The following FIRRM variants were observed in gnomAD, a reference collection of about 807,000 sequenced individuals.
The protein encoded by FIRRM is FIGNL1-interacting regulator of recombination and mitosis.
At chr1:169,832,833 C>G in the FIRRM span, among the ~76,000 whole-genome samples, 3 of 152,032 alleles carry the variant, frequency 2.0e-5, no homozygotes, top group African/African-American at 2.4e-5. Flanking sequence ...GTCTCAAACT[C>G]CTGGGCTCAA....
chr1:169,789,164 C>G, the FIRRM span, among the ~76,000 whole-genome samples: 2 of 152,132 alleles, frequency 1.3e-5, no homozygotes, highest in East Asian at 3.8e-4. Flanking sequence ...ATCACAATGC[C>G]ATCATAACCA....
the FIRRM span, chr1:169,805,931 A>G: frequency 1.3e-6 from 1 of 794,922 alleles, no homozygotes; most frequent in East Asian, 2.6e-5. Flanking sequence ...TTCAGTAGAT[A>G]GTTTTAATTA....
the FIRRM span, among the ~76,000 whole-genome samples, chr1:169,799,784 C>G: frequency 6.6e-6 from 1 of 152,148 alleles, no homozygotes; most frequent in East Asian, 1.9e-4. Context: ...AACTCCTGAG[C>G]TCAAGTGATC....
At chr1:169,806,486 T>C in the FIRRM span, among the ~76,000 whole-genome samples, 2 of 152,226 alleles carry the variant, frequency 1.3e-5, no homozygotes, top group Non-Finnish European at 2.9e-5. Context: ...TGTTCACACT[T>C]AATTCCATTT....
the FIRRM span, among the ~76,000 whole-genome samples, chr1:169,837,436 C>A: frequency 6.6e-6 from 1 of 152,220 alleles, no homozygotes; most frequent in African/African-American, 2.4e-5. Context: ...TTCTTCCATT[C>A]GACAAAATAC....
chr1:169,833,616 A>C, the FIRRM span, among the ~76,000 whole-genome samples: 1 of 152,152 alleles, frequency 6.6e-6, no homozygotes, highest in Non-Finnish European at 1.5e-5. Context: ...ATTTCTGACT[A>C]GGGTTTTTGC....
chr1:169,807,992 C>T, the FIRRM span: 286 of 1,479,634 alleles, frequency 1.9e-4, 1 homozygote, highest in African/African-American at 3.7e-3. Context: ...GTTAGTAAAT[C>T]TCATTTGAAT....
chr1:169,798,197 C>T, the FIRRM span, among the ~76,000 whole-genome samples: 3 of 151,980 alleles, frequency 2.0e-5, no homozygotes, highest in Non-Finnish European at 2.9e-5. Flanking sequence ...GGGAGGATCA[C>T]TTTAGCCCAG....
the FIRRM span, among the ~76,000 whole-genome samples, chr1:169,797,474 T>A: frequency 1.3e-3 from 198 of 152,354 alleles, 3 homozygotes; most frequent in East Asian, 0.02. Context: ...ATGACCTCAT[T>A]TTGATTGCTG....
At chr1:169,790,405 C>T in the FIRRM span, among the ~76,000 whole-genome samples, 21 of 152,118 alleles carry the variant, frequency 1.4e-4, no homozygotes, top group Admixed American at 9.8e-4. Flanking sequence ...AGGGTGGTCT[C>T]AAACTCCTGA....
chr1:169,803,784 A>C, the FIRRM span, among the ~76,000 whole-genome samples: 4 of 152,164 alleles, frequency 2.6e-5, no homozygotes, highest in Non-Finnish European at 5.9e-5. Flanking sequence ...GGCGAATGAA[A>C]ATCACTAGTT....
chr1:169,805,757 T>C, the FIRRM span, among the ~76,000 whole-genome samples: 1 of 152,232 alleles, frequency 6.6e-6, no homozygotes, highest in Non-Finnish European at 1.5e-5. Flanking sequence ...TGAACATCTT[T>C]AGTTTTATTT....
the FIRRM span, among the ~76,000 whole-genome samples, chr1:169,808,549 A>G: frequency 2.0e-5 from 3 of 151,722 alleles, no homozygotes; most frequent in African/African-American, 4.8e-5. Flanking sequence ...TTATTTAACT[A>G]TAGTAGTCCT....
chr1:169,819,230 G>T, the FIRRM span, among the ~76,000 whole-genome samples: 2 of 152,226 alleles, frequency 1.3e-5, no homozygotes, highest in Non-Finnish European at 2.9e-5. Context: ...AAGCCAATCA[G>T]TCTATTCTGT....
At chr1:169,825,185 T>C in the FIRRM span, among the ~76,000 whole-genome samples, 1 of 152,210 alleles carries the variant, frequency 6.6e-6, no homozygotes, top group Non-Finnish European at 1.5e-5. Flanking sequence ...AAAAACTTTC[T>C]ATCTTTGCCT....
chr1:169,827,169 T>C, the FIRRM span: 1 of 1,613,364 alleles, frequency 6.2e-7, no homozygotes. Context: ...ATTTCAGCCT[T>C]TCATGCAGGT....
the FIRRM span, chr1:169,847,621 A>G: frequency 9.0e-7 from 1 of 1,109,400 alleles, no homozygotes; most frequent in Non-Finnish European, 1.3e-6. Flanking sequence ...TCCAAATCTT[A>G]GGCAGTTATT....
At chr1:169,791,311 GTGAA>G in the FIRRM span, among the ~76,000 whole-genome samples, 1 of 152,222 alleles carries the variant, frequency 6.6e-6, no homozygotes, top group Non-Finnish European at 1.5e-5. Flanking sequence ...TATTAGAGTT[GTGAA>G]TGAGTATCAC....
the FIRRM span, among the ~76,000 whole-genome samples, chr1:169,828,101 T>C: frequency 1.3e-5 from 2 of 152,338 alleles, no homozygotes; most frequent in African/African-American, 4.8e-5. Flanking sequence ...TAAACATTGA[T>C]TGTAATAGAG....
Sources: allele counts gnomAD v4.1 joint callset (sites outside exome capture counted in the v4.1 genomes callset), GRCh38; gene constraint gnomAD v4.1.1; transcripts MANE v1.5; gene names NCBI Gene and HGNC (gene_info 2026-07-23, HGNC 2026-07-21).